Variants in WARS2 observed in about 807,000 individuals in gnomAD.
WARS2 encodes the protein tryptophan--tRNA ligase, mitochondrial.
Under a neutral mutation model 36.5 loss-of-function variants are expected in WARS2, and 28 were observed. The ratio of observed to expected loss-of-function variants is 0.77; its 90% confidence interval spans 0.57 to 1.05. The LOEUF (loss-of-function observed/expected upper bound fraction) is 1.05. Ranked by LOEUF, WARS2 falls within the 50% of genes least tolerant of loss-of-function variation. WARS2 has a pLI of 0.00. For synonymous variants in WARS2, 174 were observed against 178.4 expected, an observed-to-expected ratio of 0.98 and a Z score of 0.20; for missense variants, 435 against 456.8, an observed-to-expected ratio of 0.95 and a Z score of 0.44.
intron 2 of WARS2, among the ~76,000 whole-genome samples, chr1:119,051,226 C>T (rs528361510): frequency 3.4e-4 from 51 of 152,214 alleles, no homozygotes; most frequent in African/African-American, 1.0e-3. Flanking sequence ...TTGTTCCCCT[C>T]TATGTGTCCA....
chr1:119,094,113 G>T (rs146279067), intron 1 of WARS2, among the ~76,000 whole-genome samples: 2 of 152,166 alleles, frequency 1.3e-5, no homozygotes, highest in Admixed American at 1.3e-4. Context: ...TGGGATCAAA[G>T]TTCTAGGATC....
chr1:119,080,687 C>T (rs982111251), intron 1 of WARS2, among the ~76,000 whole-genome samples: 25 of 152,276 alleles, frequency 1.6e-4, no homozygotes, highest in African/African-American at 5.5e-4. Flanking sequence ...GGCGGCCTGA[C>T]GGCATGGCAG....
chr1:119,042,391 C>A, intron 3 of WARS2, 42 bp from the exon 4 acceptor site: 1 of 1,585,882 alleles, frequency 6.3e-7, no homozygotes, highest in Non-Finnish European at 8.7e-7. Context: ...AATCTGAAAT[C>A]TGACTTGAAC....
At chr1:119,110,828 T>A (rs1654578035) in intron 1 of WARS2, among the ~76,000 whole-genome samples, 1 of 152,114 alleles carries the variant, frequency 6.6e-6, no homozygotes, top group South Asian at 2.1e-4. Flanking sequence ...ATTCTTTTCT[T>A]GTTTATCTTT....
Position 119,104,939 on chromosome 1 carries a change from G to A in WARS2, c.91-28332C>T, listed in dbSNP as rs587593864. 4.6e-5 allele frequency among the ~76,000 whole-genome samples: 7 copies of A among 152,206 alleles called. No individual in the cohort carries two copies. In the East Asian group the frequency reaches 1.4e-3, roughly 29 times the overall value. On this transcript the variant is annotated intron_variant, in intron 1 of 5. Transcript: ENST00000235521. ...AGGAGCTTGGACTGGCAAATGATTCGAGGATTTTTAAGAAAGGAGTGATTC... is the reference window on the plus strand; with the variant it reads ...AGGAGCTTGGACTGGCAAATGATTCAAGGATTTTTAAGAAAGGAGTGATTC...
At chr1:119,034,492 T>C (rs1248129627) in intron 4 of WARS2, among the ~76,000 whole-genome samples, 1 of 152,164 alleles carries the variant, frequency 6.6e-6, no homozygotes, top group Admixed American at 6.5e-5. Flanking sequence ...AATGGGATTT[T>C]AAATAGCATA....
intron 2 of WARS2, among the ~76,000 whole-genome samples, chr1:119,066,781 T>G (rs1435775983): frequency 6.6e-6 from 1 of 152,150 alleles, no homozygotes; most frequent in Non-Finnish European, 1.5e-5. Context: ...AGAGTTCCTG[T>G]TGGTGGTAAT....
At position 119,032,704 on chromosome 1, in the gene WARS2, G is replaced by T. The variant is rs1439323566; in HGVS notation, c.*207C>A. 2 of 569,980 alleles carry T rather than the reference G, an allele frequency of 3.5e-6. No homozygotes were observed. Among genetic ancestry groups the T allele is most frequent in the Non-Finnish European group, 6.1e-6 (2 of 330,084 alleles). The allele number at this position is 569,980 out of a possible 1,614,324, so 35.3% of individuals were successfully genotyped here. A position where few individuals can be genotyped will look rare whatever the true frequency, so the allele number is the denominator to read the frequency against. ...ATGCCTTCTTGATTTATTTTTTGTT[G>T]TTGTTGTTCACAGCATTTTGTTGAT... On this transcript the variant is annotated 3_prime_UTR_variant, in exon 6 of 6. Transcript: ENST00000235521.
intron 2 of WARS2, among the ~76,000 whole-genome samples, chr1:119,071,479 C>T (rs945212902): frequency 2.6e-5 from 4 of 152,094 alleles, no homozygotes; most frequent in Non-Finnish European, 4.4e-5. Context: ...AAAGAAAATA[C>T]AGTATATACA....
At chr1:119,103,031 T>C (rs1258390279) in intron 1 of WARS2, among the ~76,000 whole-genome samples, 1 of 152,096 alleles carries the variant, frequency 6.6e-6, no homozygotes, top group Admixed American at 6.6e-5. Flanking sequence ...AGTTTTCTAC[T>C]TTTTTTTCTG....
chr1:119,130,178 G>A lies in WARS2; in HGVS notation c.90+10377C>T, dbSNP rs184300313. 3.9e-5 allele frequency among the ~76,000 whole-genome samples: 6 copies of A among 152,074 alleles called. No individual in the cohort carries two copies. In the East Asian group the frequency reaches 1.2e-3, roughly 29 times the overall value. Reference sequence around the variant, plus strand: ...AAGGCAATGTCAATACAATAAATGAGCTTTTTATTTCCTTTATAAGTTGAA... The same window carrying A: ...AAGGCAATGTCAATACAATAAATGAACTTTTTATTTCCTTTATAAGTTGAA... On this transcript the variant is annotated intron_variant, in intron 1 of 5. Transcript: ENST00000235521.
intron 1 of WARS2, among the ~76,000 whole-genome samples, chr1:119,100,926 C>A (rs1653812016): frequency 6.6e-6 from 1 of 152,170 alleles, no homozygotes; most frequent in Admixed American, 6.5e-5. Flanking sequence ...GCTTGAGCCA[C>A]CGTCCCTGGC....
rs749346842 is a variant in WARS2, at chr1:119,033,319, G to A, written c.675C>T (p.Ala225=). 6.2e-7 allele frequency: 1 copy of A among 1,614,192 alleles called. No homozygotes were observed. The highest frequency in any genetic ancestry group is 8.5e-7 in the Non-Finnish European group (1 of 1,180,042). ...KKVKSLRDPS[A]KMSKSDPDKL... is the part of the protein sequence containing the mutation. ...TGTCAGGGTCTGATTTCGACATTTT[G>A]GCAGAAGGATCACGTAGGGATTTTA... The change falls in exon 6 of 6, where the codon GCC becomes GCT. Residue 225 remains alanine, a synonymous_variant. Transcript: ENST00000235521.
At chr1:119,109,946 T>C (rs1268369191) in intron 1 of WARS2, among the ~76,000 whole-genome samples, 1 of 151,914 alleles carries the variant, frequency 6.6e-6, no homozygotes, top group African/African-American at 2.4e-5. Flanking sequence ...CACCATACAT[T>C]TACCACTAAT....
chr1:119,076,390 C>A lies in WARS2; in HGVS notation c.308G>T (p.Gly103Val), dbSNP rs1571322924. 1 of 1,614,050 alleles carries A rather than the reference C, an allele frequency of 6.2e-7. No individual in the cohort carries two copies. The highest frequency in any genetic ancestry group is 8.5e-7 in the Non-Finnish European group (1 of 1,180,012). Residue 103 changes from glycine to valine, a missense_variant, in exon 2 of 6, where the codon GGC becomes GTC. Gly to Val is a moderately radical substitution (Grantham distance 109). Coordinates refer to ENST00000235521, the MANE Select transcript of WARS2 (RefSeq NM_015836.4). ...AAGGATGCTTTTTTCCGGGTTTATG[C>A]CACAGGCAAGAAGAACAGCAGTCAT... ...LDMTAVLLACGINPEKSILFQ... is the reference protein window; with the variant it reads ...LDMTAVLLACVINPEKSILFQ...
rs375469244 is a variant in WARS2 at position 119,116,534 on chromosome 1, C to T, written c.90+24021G>A. On this transcript the variant is annotated intron_variant, in intron 1 of 5. Coordinates refer to ENST00000235521, the MANE Select transcript of WARS2 (RefSeq NM_015836.4). ...AAGAAGTGGCTTTCTGCTGCAAATG[C>T]CACAAGATAGCCAAAAAACTGTGAG... Among the ~76,000 whole-genome samples the T allele has an allele frequency of 2.6e-5, 4 of 152,224 alleles. No homozygotes were observed. In the South Asian group the frequency reaches 8.3e-4, roughly 32 times the overall value.
chr1:119,059,775 T>C lies in WARS2; in HGVS notation c.349-14113A>G, dbSNP rs975045345. 3.3e-5 allele frequency among the ~76,000 whole-genome samples: 5 copies of C among 152,236 alleles called. No homozygotes were observed. The South Asian group carries it at 1.0e-3, about 32-fold the overall frequency. On this transcript the variant is annotated intron_variant, in intron 2 of 5. Coordinates refer to ENST00000235521, the MANE Select transcript of WARS2 (RefSeq NM_015836.4). ...CAATATTTAAAAAAAGTAGAGATCA[T>C]GTCCTTTGCAGGAACATGGATGAGC...
rs1197806676 is a variant in WARS2, at chr1:119,033,113, C to T, written c.881G>A (p.Ser294Asn). The T allele has an allele frequency of 6.2e-7, 1 of 1,614,086 alleles. No individual in the cohort carries two copies. Among genetic ancestry groups the T allele is most frequent in the Non-Finnish European group, 8.5e-7 (1 of 1,180,062 alleles). The part of the protein sequence containing the change: ...GLSVEEVVRR[S>N]AGMNTARYKL... Reference sequence around the variant, plus strand: ...GTAGCGAGCAGTGTTCATGCCCGCGCTGCGGCGCACCACTTCCTCCACGGA... The same window carrying T: ...GTAGCGAGCAGTGTTCATGCCCGCGTTGCGGCGCACCACTTCCTCCACGGA... The change falls in exon 6 of 6, where the codon AGC becomes AAC. Residue 294 changes from serine to asparagine, a missense_variant. Transcript: ENST00000235521.
intron 2 of WARS2, among the ~76,000 whole-genome samples, chr1:119,066,754 A>C (rs1650909540): frequency 6.6e-6 from 1 of 152,190 alleles, no homozygotes; most frequent in Non-Finnish European, 1.5e-5. Context: ...GTCTAATAAC[A>C]CCAAATGTTG....
Sources: gnomAD v4.1 joint callset for allele counts (sites outside exome capture counted in the v4.1 genomes callset) on GRCh38, gnomAD v4.1.1 for gene constraint, MANE v1.5 for transcripts, NCBI Gene and HGNC (gene_info 2026-07-23, HGNC 2026-07-21) for gene names.